The following TRPM3 variants were observed in gnomAD, a reference collection of about 807,000 sequenced individuals.
The protein encoded by TRPM3 is long transient receptor potential channel 3.
A neutral mutation model predicts 181.2 loss-of-function variants in TRPM3; 77 were observed. The observed-to-expected ratio is 0.42, with a 90% CI of 0.35 to 0.51. The LOEUF is 0.51. Among genes scored for constraint, TRPM3 ranks in the 20% least tolerant of loss-of-function variants. TRPM3 has a pLI of 0.01. For synonymous variants in TRPM3, 745 were observed against 796.4 expected, an observed-to-expected ratio of 0.94 and a Z score of 1.09; for missense variants, 1,759 against 2,196.7, an observed-to-expected ratio of 0.80 and a Z score of 3.98.
chr9:70,843,276 G>A, intron 4 of TRPM3, 149 bp from the exon 5 acceptor site: 1 of 813,862 alleles, frequency 1.2e-6, no homozygotes. Context: ...CTTGTATTTA[G>A]GAGAAAACAT....
chr9:70,549,395 T>G, intron 25 of TRPM3, 147 bp downstream of exon 25: 1 of 1,049,438 alleles, frequency 9.5e-7, no homozygotes, highest in Non-Finnish European at 1.3e-6. Flanking sequence ...TTGGGCAATG[T>G]TCTGTTCTCT....
At chr9:71,111,130 C>T (rs2070979880) in intron 1 of TRPM3, among the ~76,000 whole-genome samples, 1 of 152,088 alleles carries the variant, frequency 6.6e-6, no homozygotes, top group Non-Finnish European at 1.5e-5. Context: ...TGGTTACATT[C>T]GATTTTCTTA....
At chr9:71,209,407 G>GAGA (rs141062817) in intron 1 of TRPM3, among the ~76,000 whole-genome samples, 3 of 138,236 alleles carry the variant, frequency 2.2e-5, no homozygotes, top group Non-Finnish European at 4.5e-5. Context: ...AAGGAGGGAG[G>GAGA]GAGAGAGAGA....
At chr9:70,772,773 C>A (rs573022501) in intron 7 of TRPM3, among the ~76,000 whole-genome samples, 23 of 152,074 alleles carry the variant, frequency 1.5e-4, no homozygotes, top group Non-Finnish European at 2.9e-4. Context: ...CTTTCCTTTG[C>A]CTTTGGTTAT....
chr9:71,326,516 G>A (rs899271800), intron 1 of TRPM3, among the ~76,000 whole-genome samples: 6 of 152,246 alleles, frequency 3.9e-5, no homozygotes, highest in African/African-American at 7.2e-5. Context: ...GGCTGAGCAT[G>A]AGTGTGCTGT....
intron 25 of TRPM3, among the ~76,000 whole-genome samples, chr9:70,548,559 C>CA (rs2045645468): frequency 6.6e-6 from 1 of 152,210 alleles, no homozygotes; most frequent in Non-Finnish European, 1.5e-5. Context: ...AAGCCTGAGC[C>CA]ATTCTGACTA....
At chr9:71,200,439 T>G (rs1380965587) in intron 1 of TRPM3, among the ~76,000 whole-genome samples, 2 of 150,824 alleles carry the variant, frequency 1.3e-5, no homozygotes, top group Non-Finnish European at 3.0e-5. Flanking sequence ...GTTAACTTTC[T>G]GTCTCGTTGA....
intron 1 of TRPM3, among the ~76,000 whole-genome samples, chr9:71,068,936 A>G (rs2062317593): frequency 6.6e-6 from 1 of 152,226 alleles, no homozygotes; most frequent in Non-Finnish European, 1.5e-5. Flanking sequence ...CTTGAAAGAT[A>G]GAGATGATCA....
chr9:71,375,229 C>A lies in TRPM3; in HGVS notation c.183+71424G>T, dbSNP rs1237973591. ...AGAAATAAGACCACATATCTACAAC[C>A]AGCTGATCTTCGACAAATCTGACTT... On this transcript the variant is annotated intron_variant, in intron 1 of 24. Transcript: ENST00000357533. Among the ~76,000 whole-genome samples, 5 of 152,136 alleles carry A rather than the reference C, an allele frequency of 3.3e-5. No individual in the cohort carries two copies. In the East Asian group the frequency reaches 9.6e-4, roughly 29 times the overall value.
intron 1 of TRPM3, among the ~76,000 whole-genome samples, chr9:71,411,198 A>G (rs1487485267): frequency 6.6e-6 from 1 of 152,256 alleles, no homozygotes; most frequent in Non-Finnish European, 1.5e-5. Context: ...GGCACAAGAC[A>G]GTGATGCCGT....
chr9:71,322,481 C>T (rs1406459735), intron 1 of TRPM3, among the ~76,000 whole-genome samples: 2 of 152,082 alleles, frequency 1.3e-5, no homozygotes, highest in Non-Finnish European at 2.9e-5. Context: ...TAAATAACAT[C>T]TCATCCAGTC....
At chr9:71,221,072 G>A (rs2080211761) in intron 1 of TRPM3, among the ~76,000 whole-genome samples, 2 of 152,172 alleles carry the variant, frequency 1.3e-5, no homozygotes, top group Non-Finnish European at 2.9e-5. Flanking sequence ...CATGCAGAAA[G>A]AGTAAGAGCT....
chr9:71,037,494 C>T (rs1348297408), intron 1 of TRPM3, among the ~76,000 whole-genome samples: 1 of 152,240 alleles, frequency 6.6e-6, no homozygotes, highest in East Asian at 1.9e-4. Flanking sequence ...TAATATATGG[C>T]TTCAAAAGGA....
Position 70,536,796 on chromosome 9 carries a change from G to A in TRPM3, c.4317C>T (p.Gly1439=), listed in dbSNP as rs188032279. 3.8e-5 allele frequency: 61 copies of A among 1,614,112 alleles called. No individual in the cohort carries two copies. Among genetic ancestry groups the A allele is most frequent in the African/African-American group, 2.5e-4 (19 of 75,028 alleles). Residue 1439 remains glycine, a synonymous_variant, in exon 26 of 26, where the codon GGC becomes GGT. Transcript: ENST00000677713. The part of the protein sequence containing the change: ...LDNSVNILGL[G]EPSFSTPVPS... ...GTACTGGAGTTGAAAAGCTTGGCTCGCCCAGCCCAAGGATGTTCACGGAAT... is the reference window on the plus strand; with the variant it reads ...GTACTGGAGTTGAAAAGCTTGGCTCACCCAGCCCAAGGATGTTCACGGAAT...
intron 8 of TRPM3, 89 bp from the exon 9 acceptor site, chr9:70,681,667 C>G: frequency 9.3e-7 from 1 of 1,076,888 alleles, no homozygotes; most frequent in Non-Finnish European, 1.4e-6. Flanking sequence ...CAGAGACTAT[C>G]TCTATATCTA....
At chr9:71,170,000 CAAAAAAAA>C (rs34087746) in intron 1 of TRPM3, among the ~76,000 whole-genome samples, 4 of 77,166 alleles carry the variant, frequency 5.2e-5, no homozygotes, top group Admixed American at 3.6e-4. Context: ...GACTCTGTCT[CAAAAAAAA>C]AAAAAAAAAA....
At chr9:71,046,593 G>A (rs1336907389) in intron 1 of TRPM3, among the ~76,000 whole-genome samples, 1 of 152,108 alleles carries the variant, frequency 6.6e-6, no homozygotes, top group African/African-American at 2.4e-5. Flanking sequence ...CCTGTCTCCG[G>A]ATCTATCCTC....
chr9:71,402,653 T>G (rs987332239), intron 1 of TRPM3, among the ~76,000 whole-genome samples: 44 of 152,348 alleles, frequency 2.9e-4, no homozygotes, highest in African/African-American at 1.0e-3. Context: ...TTATATTGCA[T>G]CATTTCATTT....
intron 8 of TRPM3, chr9:70,760,680 T>C (rs891086326): frequency 4.7e-5 from 7 of 148,042 alleles, no homozygotes; most frequent in South Asian, 2.1e-4. Flanking sequence ...TTTTTTTTTT[T>C]CTAAACATTT....
Sources: allele counts gnomAD v4.1 joint callset (sites outside exome capture counted in the v4.1 genomes callset), GRCh38; gene constraint gnomAD v4.1.1; transcripts MANE v1.5; gene names NCBI Gene and HGNC (gene_info 2026-07-23, HGNC 2026-07-21).